Variants in GPC5 observed in about 807,000 individuals in gnomAD.
GPC5 encodes glypican-5.
A neutral mutation model predicts 53.9 loss-of-function variants in GPC5; 47 were observed. The ratio of observed to expected loss-of-function variants is 0.87; its 90% confidence interval spans 0.69 to 1.11. GPC5 has a LOEUF of 1.11. Ranked by LOEUF, GPC5 falls within the 50% of genes most tolerant of loss-of-function variation. GPC5 has a pLI of 0.00. For synonymous variants in GPC5, 286 were observed against 263.3 expected (o/e 1.09, Z -0.84); for missense variants, 748 against 713.1 (o/e 1.05, Z -0.56).
At chr13:92,233,468 A>C (rs2042546187) in intron 7 of GPC5, among the ~76,000 whole-genome samples, 1 of 152,180 alleles carries the variant, frequency 6.6e-6, no homozygotes, top group South Asian at 2.1e-4. Context: ...GGAACAAATA[A>C]GCTGTTGGGG....
At chr13:91,822,405 GGATGA>G (rs1173859497) in intron 5 of GPC5, among the ~76,000 whole-genome samples, 1 of 152,164 alleles carries the variant, frequency 6.6e-6, no homozygotes, top group African/African-American at 2.4e-5. Context: ...CGCAAGATCA[GGATGA>G]GATAAGAAAT....
intron 7 of GPC5, among the ~76,000 whole-genome samples, chr13:92,557,316 T>G (rs1260672336): frequency 1.3e-5 from 2 of 151,986 alleles, no homozygotes; most frequent in African/African-American, 4.8e-5. Flanking sequence ...AGTTGGATTT[T>G]TTAAAAAGCT....
chr13:92,766,872 C>T (rs1167122426), intron 7 of GPC5, among the ~76,000 whole-genome samples: 1 of 152,202 alleles, frequency 6.6e-6, no homozygotes, highest in Non-Finnish European at 1.5e-5. Flanking sequence ...CAGTTTTAAA[C>T]ATTGCTTGGG....
intron 4 of GPC5, among the ~76,000 whole-genome samples, chr13:91,750,850 C>T (rs1170124013): frequency 2.0e-5 from 3 of 151,750 alleles, no homozygotes; most frequent in Non-Finnish European, 4.4e-5. Flanking sequence ...TTTGTAAAGA[C>T]GGGGTTTCTC....
intron 7 of GPC5, among the ~76,000 whole-genome samples, chr13:92,182,330 G>A (rs1229490781): frequency 6.6e-6 from 1 of 152,068 alleles, no homozygotes; most frequent in Non-Finnish European, 1.5e-5. Flanking sequence ...AGTAAAAAAC[G>A]ATCTGTGACT....
chr13:91,521,616 T>C (rs1317589128), intron 2 of GPC5, among the ~76,000 whole-genome samples: 1 of 152,228 alleles, frequency 6.6e-6, no homozygotes, highest in Non-Finnish European at 1.5e-5. Context: ...AAGTGTTTTA[T>C]TTTTTTCTAT....
chr13:91,507,960 A>G (rs927023946), intron 2 of GPC5, among the ~76,000 whole-genome samples: 1 of 152,242 alleles, frequency 6.6e-6, no homozygotes, highest in Admixed American at 6.5e-5. Flanking sequence ...TCAATCTTAA[A>G]CAATGATACT....
chr13:92,236,974 C>CT (rs1167614740), intron 7 of GPC5, among the ~76,000 whole-genome samples: 1 of 151,980 alleles, frequency 6.6e-6, no homozygotes, highest in Non-Finnish European at 1.5e-5. Context: ...ATATAAATCA[C>CT]TTTCTTTAGT....
At chr13:92,182,729 C>T (rs1256887352) in intron 7 of GPC5, among the ~76,000 whole-genome samples, 3 of 152,082 alleles carry the variant, frequency 2.0e-5, no homozygotes, top group Middle Eastern at 3.4e-3. Context: ...ATTAGCCGGG[C>T]GCGGTGGTGG....
At chr13:92,380,907 A>G (rs955873681) in intron 7 of GPC5, among the ~76,000 whole-genome samples, 3 of 151,588 alleles carry the variant, frequency 2.0e-5, no homozygotes, top group Admixed American at 6.6e-5. Flanking sequence ...TTAAAGTATA[A>G]TAATAAAAGA....
At chr13:91,532,553 G>A (rs1220694059) in intron 2 of GPC5, among the ~76,000 whole-genome samples, 1 of 152,074 alleles carries the variant, frequency 6.6e-6, no homozygotes, top group Non-Finnish European at 1.5e-5. Flanking sequence ...TAGTTGGTAA[G>A]GAAAAATAAA....
At chr13:92,628,254 C>CTTTCTTTTTTTTTT in intron 7 of GPC5, among the ~76,000 whole-genome samples, 1 of 59,634 alleles carries the variant, frequency 1.7e-5, no homozygotes, top group African/African-American at 5.7e-5. Context: ...TTTTCTTTTT[C>CTTTCTTTTTTTTTT]TTTTTCTTTC....
chr13:91,874,376 T>G (rs2039180087), intron 5 of GPC5, among the ~76,000 whole-genome samples: 1 of 152,192 alleles, frequency 6.6e-6, no homozygotes, highest in South Asian at 2.1e-4. Flanking sequence ...TAGGATGTAG[T>G]CAGAATTTTC....
chr13:92,644,989 T>C (rs1320162572), intron 7 of GPC5, among the ~76,000 whole-genome samples: 1 of 152,052 alleles, frequency 6.6e-6, no homozygotes, highest in African/African-American at 2.4e-5. Flanking sequence ...GGTTTGGGAG[T>C]CCCTTTTTAC....
intron 7 of GPC5, among the ~76,000 whole-genome samples, chr13:92,361,105 C>A (rs538999059): frequency 6.6e-6 from 1 of 151,740 alleles, no homozygotes; most frequent in African/African-American, 2.4e-5. Flanking sequence ...GCTGAATCTG[C>A]CATTTACTTA....
intron 7 of GPC5, among the ~76,000 whole-genome samples, chr13:92,165,620 C>T (rs958942400): frequency 6.6e-6 from 1 of 152,144 alleles, no homozygotes; most frequent in African/African-American, 2.4e-5. Flanking sequence ...GAACCACCCC[C>T]GTGATTCCGT....
intron 7 of GPC5, among the ~76,000 whole-genome samples, chr13:92,545,089 G>T (rs569188541): frequency 2.6e-5 from 4 of 151,730 alleles, no homozygotes; most frequent in Middle Eastern, 6.8e-3. Context: ...CCCACAACAG[G>T]CCCCGGTGTG....
intron 2 of GPC5, among the ~76,000 whole-genome samples, chr13:91,563,934 C>T (rs2031407848): frequency 1.3e-5 from 2 of 152,248 alleles, no homozygotes; most frequent in East Asian, 1.9e-4. Context: ...CTCATCATGA[C>T]TCCTGCCTAG....
intron 6 of GPC5, among the ~76,000 whole-genome samples, chr13:91,960,663 A>T (rs890671539): frequency 6.6e-6 from 1 of 152,072 alleles, no homozygotes; most frequent in African/African-American, 2.4e-5. Flanking sequence ...AAAATATATT[A>T]CAAGGCTATA....
Sources: gnomAD v4.1 joint callset for allele counts (sites outside exome capture counted in the v4.1 genomes callset) on GRCh38, gnomAD v4.1.1 for gene constraint, MANE v1.5 for transcripts, NCBI Gene and HGNC (gene_info 2026-07-23, HGNC 2026-07-21) for gene names.